The following GTPBP4 variants were observed in gnomAD, a reference collection of about 807,000 sequenced individuals.
GTPBP4 encodes the protein GTP binding protein 4.
In GTPBP4, 15 loss-of-function variants were observed where a neutral mutation model predicts 81.7. That is an observed-to-expected ratio of 0.18 (90% CI 0.12 to 0.28). GTPBP4 has a LOEUF of 0.28. Ranked by LOEUF, GTPBP4 falls within the 10% of genes least tolerant of loss-of-function variation. The probability of loss-of-function intolerance (pLI) is 1.00; values close to 1 mark genes in which losing one functional copy is unlikely to be tolerated. For synonymous variants in GTPBP4, 272 were observed against 274.6 expected (o/e 0.99, Z 0.09); for missense variants, 847 against 793.8 (o/e 1.07, Z -0.81).
Position 1,005,169 on chromosome 10 carries a change from G to A in GTPBP4, c.913-649G>A, listed in dbSNP as rs546446574. On this transcript the variant is annotated intron_variant, in intron 8 of 16. Transcript: ENST00000360803. ...TTTGTTTGTTTGTTTGTTTTAAGAC[G>A]GAGTCTCGCTCTGTCCCCCAGGCTG... Among the ~76,000 whole-genome samples, 12 of 152,026 alleles carry A rather than the reference G, an allele frequency of 7.9e-5. No individual in the cohort carries two copies. The East Asian group carries it at 1.2e-3, about 15-fold the overall frequency.
intron 8 of GTPBP4, 21 bp from the exon 9 acceptor site, chr10:1,005,797 G>GT (rs766027866): frequency 6.6e-5 from 92 of 1,387,732 alleles, no homozygotes; most frequent in Non-Finnish European, 4.5e-5. Flanking sequence ...TACATCTCTC[G>GT]TTTTTTCTTT....
At chr10:1,007,315 G>A in intron 10 of GTPBP4, 187 bp downstream of exon 10, 1 of 533,384 alleles carries the variant, frequency 1.9e-6, no homozygotes, top group South Asian at 2.6e-5. Context: ...ACGCCACATG[G>A]CACCCGTTTC....
chr10:988,754 C>T, intron 1 of GTPBP4: 1 of 546,622 alleles, frequency 1.8e-6, no homozygotes, highest in Non-Finnish European at 3.3e-6. Flanking sequence ...CACCTAAGAC[C>T]GTGGTCCACC....
chr10:1,012,633 G>A lies in GTPBP4; in HGVS notation c.1513G>A (p.Gly505Arg). Residue 505 changes from glycine (G) to arginine (R), a missense_variant, in exon 14 of 17, where the codon GGA becomes AGA. Gly to Arg is a moderately radical substitution (Grantham distance 125). Coordinates refer to ENST00000360803, the MANE Select transcript of GTPBP4 (RefSeq NM_012341.3). ...ILESKEKNTQ[G>R]PRMPRTAKKV... ...GGAGTCCAAAGAAAAGAATACACAG[G>A]GACCCAGGATGCCGCGAACTGCTAA... 1.9e-6 allele frequency: 3 copies of A among 1,613,636 alleles called. No homozygotes were observed. Among genetic ancestry groups the A allele is most frequent in the Non-Finnish European group, 8.5e-7 (1 of 1,179,770 alleles).
chr10:989,359 C>T (rs1831401633), intron 1 of GTPBP4, among the ~76,000 whole-genome samples: 1 of 152,178 alleles, frequency 6.6e-6, no homozygotes, highest in Non-Finnish European at 1.5e-5. Flanking sequence ...GGGTGATCCT[C>T]CCGCCCCGGC....
rs781429938 is a variant in GTPBP4, at chr10:1,000,631, G to A, written c.655-46G>A. ...ACTTCTGGGATGTGCTGGACAAGAA[G>A]CTTGTGGGTGAGTGTGCTTTCAGTG... On this transcript the variant is annotated intron_variant, in intron 6 of 16. Transcript: ENST00000360803. 3.3e-6 allele frequency: 4 copies of A among 1,202,568 alleles called. No homozygotes were observed. In the South Asian group the frequency reaches 5.4e-5, roughly 16 times the overall value. The allele number at this position is 1,202,568 out of a possible 1,614,324, so 74.5% of individuals were successfully genotyped here. A position where few individuals can be genotyped will look rare whatever the true frequency, so the allele number is the denominator to read the frequency against.
chr10:1,006,914 G>A, intron 9 of GTPBP4, 104 bp from the exon 10 acceptor site: 1 of 730,556 alleles, frequency 1.4e-6, no homozygotes, highest in Non-Finnish European at 2.5e-6. Flanking sequence ...GTTACCTTGA[G>A]GGAAAAGGCT....
At chr10:1,001,654 TG>T (rs1481850614) in intron 8 of GTPBP4, among the ~76,000 whole-genome samples, 3 of 149,786 alleles carry the variant, frequency 2.0e-5, no homozygotes, top group Non-Finnish European at 4.4e-5. Flanking sequence ...TTGGTCATTC[TG>T]GGACATGTTT....
chr10:1,007,915 C>A (rs781082007), intron 10 of GTPBP4: 1 of 517,482 alleles, frequency 1.9e-6, no homozygotes, highest in Non-Finnish European at 3.8e-6. Context: ...ATCTTTTTCT[C>A]GCTGATTTGT....
intron 1 of GTPBP4, among the ~76,000 whole-genome samples, chr10:990,727 CAAAA>C (rs35393314): frequency 1.1e-4 from 7 of 66,008 alleles, no homozygotes; most frequent in Admixed American, 2.1e-4. Context: ...GACTCCATCT[CAAAA>C]AAAAAAAAAA....
At chr10:1,011,590 T>C (rs1022754091) in intron 13 of GTPBP4, among the ~76,000 whole-genome samples, 4 of 150,962 alleles carry the variant, frequency 2.6e-5, no homozygotes, top group African/African-American at 9.7e-5. Flanking sequence ...TGTCCCATGT[T>C]GCCACTCCTT....
In GTPBP4 at chr10:1,017,002, C is replaced by T; in HGVS notation, c.1753-73C>T. ...CTGAGCCATTAAACAGATTGTTACC[C>T]AGTAGTTGAAATTCAGAATGGAAAA... On this transcript the variant is annotated intron_variant, in intron 16 of 16. Transcript: ENST00000360803. The T allele has an allele frequency of 3.3e-6, 4 of 1,218,898 alleles. No homozygotes were observed. The Admixed American group carries it at 5.9e-5, about 18-fold the overall frequency. The allele number at this position is 1,218,898 out of a possible 1,614,324, so 75.5% of individuals were successfully genotyped here.
At chr10:1,007,227 G>C (rs1473067605) in intron 10 of GTPBP4, 99 bp downstream of exon 10, 1 of 685,338 alleles carries the variant, frequency 1.5e-6, no homozygotes, top group Non-Finnish European at 2.6e-6. Context: ...TCACACACTC[G>C]CAGGTGGATA....
At chr10:993,056 C>G (rs778212341) in intron 2 of GTPBP4, among the ~76,000 whole-genome samples, 2 of 151,496 alleles carry the variant, frequency 1.3e-5, no homozygotes, top group Non-Finnish European at 2.9e-5. Context: ...TTTTTTTCCT[C>G]TGGGCTCAGC....
rs774738382 is a variant in GTPBP4, at chr10:1,010,535, T to G, written c.1344+15T>G. 5 of 1,309,810 alleles carry G rather than the reference T, an allele frequency of 3.8e-6. No individual in the cohort carries two copies. The East Asian group carries it at 1.1e-4, about 30-fold the overall frequency. The allele number at this position is 1,309,810 out of a possible 1,614,324, so 81.1% of individuals were successfully genotyped here. A position where few individuals can be genotyped will look rare whatever the true frequency, so the allele number is the denominator to read the frequency against. On this transcript the variant is annotated intron_variant, in intron 13 of 16. Transcript: ENST00000360803. ...CCATCATGAAGGTTTGTGTCACTTT[T>G]TAAATTGCGGATTGTTTTCCTTTTT...
chr10:1,012,082 C>A (rs1489448591), intron 13 of GTPBP4, among the ~76,000 whole-genome samples: 1 of 152,166 alleles, frequency 6.6e-6, no homozygotes, highest in Non-Finnish European at 1.5e-5. Flanking sequence ...TTTGGGGTGA[C>A]ATTAGAACGG....
chr10:996,829 A>G (rs750995147), intron 4 of GTPBP4: 5 of 193,144 alleles, frequency 2.6e-5, no homozygotes, highest in Non-Finnish European at 5.2e-5. Flanking sequence ...GAGTGGCAGT[A>G]ACCCATGTTG....
At position 1,014,310 on chromosome 10, in the gene GTPBP4, G is replaced by T; in HGVS notation, c.1606G>T (p.Asp536Tyr). The part of the protein sequence containing the change: ...SLGVDMDDKD[D>Y]AHYAVQARRS... Reference sequence around the variant, plus strand: ...TGGTGTTGACATGGACGATAAAGACGATGTGAGTGTGGGGGCGGTTCATGT... The same window carrying T: ...TGGTGTTGACATGGACGATAAAGACTATGTGAGTGTGGGGGCGGTTCATGT... The change falls in exon 15 of 17, where the codon GAT (aspartate) becomes TAT (tyrosine). Residue 536 changes from aspartate (D) to tyrosine (Y), a missense_variant and splice_region_variant. Physicochemically the swap from Asp to Tyr is radical, Grantham distance 160. Coordinates refer to ENST00000360803, the MANE Select transcript of GTPBP4 (RefSeq NM_012341.3). The T allele has an allele frequency of 6.2e-7, 1 of 1,603,472 alleles. No individual in the cohort carries two copies. The highest frequency in any genetic ancestry group is 8.5e-7 in the Non-Finnish European group (1 of 1,170,664).
In GTPBP4 at chr10:991,990, C is replaced by T. The variant is rs147802108; in HGVS notation, c.49-499C>T. 8.3e-3 allele frequency among the ~76,000 whole-genome samples: 1,249 copies of T among 150,994 alleles called. 19 individuals are homozygous for T. Among genetic ancestry groups the T allele is most frequent in the African/African-American group, 0.029 (1,196 of 41,242 alleles). The stretch of plus-strand genomic sequence containing the variant: ...GATTACAGGCGTGAGCCACCGCGCC[C>T]GGCCGGTGTAAAATTTATCTTAGCC... On this transcript the variant is annotated intron_variant, in intron 1 of 16. Transcript: ENST00000360803.
Sources: allele counts gnomAD v4.1 joint callset (sites outside exome capture counted in the v4.1 genomes callset), GRCh38; gene constraint gnomAD v4.1.1; transcripts MANE v1.5; gene names NCBI Gene and HGNC (gene_info 2026-07-23, HGNC 2026-07-21).